The following CDC42BPA variants were observed in gnomAD, a reference collection of about 807,000 sequenced individuals.
CDC42BPA encodes the protein serine/threonine-protein kinase MRCK alpha.
In CDC42BPA, 80 loss-of-function variants were observed where a neutral mutation model predicts 223.5. The observed-to-expected ratio is 0.36, with a 90% CI of 0.30 to 0.43. The LOEUF (loss-of-function observed/expected upper bound fraction) is 0.43. Ranked by LOEUF, CDC42BPA falls within the 20% of genes least tolerant of loss-of-function variation. The pLI, the probability that CDC42BPA is intolerant of heterozygous loss-of-function variation, is 1.00. For synonymous variants in CDC42BPA, 694 were observed against 718.6 expected (o/e 0.97, Z 0.55); for missense variants, 1,743 against 2,099.9 (o/e 0.83, Z 3.32).
chr1:227,134,279 T>C (rs1658041436), intron 10 of CDC42BPA, among the ~76,000 whole-genome samples: 1 of 152,190 alleles, frequency 6.6e-6, no homozygotes, highest in East Asian at 1.9e-4. Context: ...CCCTCTATCT[T>C]GGATAATTTC....
At chr1:227,104,018 T>A (rs968024620) in intron 14 of CDC42BPA, among the ~76,000 whole-genome samples, 3 of 152,108 alleles carry the variant, frequency 2.0e-5, no homozygotes, top group African/African-American at 7.2e-5. Flanking sequence ...AAATAGTTGC[T>A]GAAAACACTT....
intron 1 of CDC42BPA, among the ~76,000 whole-genome samples, chr1:227,299,070 C>T (rs747433381): frequency 7.9e-5 from 12 of 152,110 alleles, no homozygotes; most frequent in Non-Finnish European, 1.6e-4. Context: ...TAAACATTTT[C>T]TTGGCATTTC....
At chr1:227,129,295 C>T in intron 10 of CDC42BPA, 64 bp from the exon 11 acceptor site, 1 of 1,174,482 alleles carries the variant, frequency 8.5e-7, no homozygotes, top group Non-Finnish European at 1.2e-6. Flanking sequence ...AAACTAATAA[C>T]ATTATTTTTT....
intron 32 of CDC42BPA, among the ~76,000 whole-genome samples, chr1:227,021,425 C>T (rs909946873): frequency 1.5e-4 from 23 of 152,216 alleles, no homozygotes; most frequent in African/African-American, 5.3e-4. Context: ...AAATGAGAAT[C>T]ACTTCTAAAA....
At chr1:227,258,902 GAT>G (rs1683569491) in intron 1 of CDC42BPA, among the ~76,000 whole-genome samples, 1 of 150,952 alleles carries the variant, frequency 6.6e-6, no homozygotes, top group Non-Finnish European at 1.5e-5. Flanking sequence ...AATTGAAAAA[GAT>G]ATAATAATCA....
intron 21 of CDC42BPA, among the ~76,000 whole-genome samples, chr1:227,064,929 CT>C (rs927069417): frequency 1.3e-5 from 2 of 152,024 alleles, no homozygotes; most frequent in African/African-American, 4.8e-5. Context: ...AACCCCATCT[CT>C]ACTAAAAATA....
intron 5 of CDC42BPA, among the ~76,000 whole-genome samples, chr1:227,166,524 A>G (rs541486195): frequency 7.9e-5 from 12 of 152,318 alleles, no homozygotes; most frequent in African/African-American, 2.9e-4. Flanking sequence ...GAGCAAAAGA[A>G]AACATTTGAC....
At chr1:227,149,076 T>C (rs550759060) in intron 6 of CDC42BPA, among the ~76,000 whole-genome samples, 2 of 152,296 alleles carry the variant, frequency 1.3e-5, no homozygotes, top group South Asian at 4.1e-4. Flanking sequence ...AAGGCTGCCC[T>C]ATATACATAC....
intron 16 of CDC42BPA, among the ~76,000 whole-genome samples, chr1:227,085,843 A>G (rs1681768102): frequency 6.6e-6 from 1 of 152,186 alleles, no homozygotes; most frequent in African/African-American, 2.4e-5. Flanking sequence ...ACTGAGGTAT[A>G]ATTTATATAA....
intron 14 of CDC42BPA, among the ~76,000 whole-genome samples, chr1:227,109,097 A>T (rs1686443744): frequency 6.6e-6 from 1 of 152,182 alleles, no homozygotes; most frequent in African/African-American, 2.4e-5. Context: ...TGTCATATAG[A>T]GCATTATGAA....
In CDC42BPA at chr1:227,276,294, A is replaced by G. The variant is rs531233070; in HGVS notation, c.179-22139T>C. 1.7e-3 allele frequency among the ~76,000 whole-genome samples: 248 copies of G among 144,718 alleles called. 3 individuals are homozygous for G. Among genetic ancestry groups the G allele is most frequent in the African/African-American group, 5.6e-3 (215 of 38,102 alleles). 94.9% of individuals were successfully genotyped at this position (144,718 alleles called of 152,430 possible). ...TGAGGAGCGTCTCTGCCCGACTGCC[A>G]ACCCGTCTGGGAGGTGAGGAGCGTG... On this transcript the variant is annotated intron_variant, in intron 1 of 36. Coordinates refer to ENST00000366766, the MANE Select transcript of CDC42BPA (RefSeq NM_001394014.1).
Position 227,029,028 on chromosome 1 carries a change from A to G in CDC42BPA, c.4061T>C (p.Val1354Ala), listed in dbSNP as rs1384439122. The G allele has an allele frequency of 6.2e-7, 1 of 1,614,134 alleles. No homozygotes were observed. The highest frequency in any genetic ancestry group is 1.1e-5 in the South Asian group (1 of 91,086). Reference protein sequence around the residue: ...VRHGALTCLCVAMKRQVLCYE... With the variant: ...VRHGALTCLCAAMKRQVLCYE... ...ACAGAGGACCTGCCTTTTCATAGCC[A>G]CACACAGGCATGTGAGAGCTCCATG... Residue 1354 changes from valine (V) to alanine (A), a missense_variant, in exon 30 of 37, where the codon GTG becomes GCG. Around this residue, in one of 6 missense-constraint regions of CDC42BPA, gnomAD observed 678 missense variants for 777.5 expected, o/e 0.87. Transcript: ENST00000366766.
At chr1:227,092,138 A>G in intron 15 of CDC42BPA, 147 bp from the exon 16 acceptor site, 2 of 560,910 alleles carry the variant, frequency 3.6e-6, no homozygotes, top group Non-Finnish European at 6.3e-6. Context: ...TTGTTTATAT[A>G]TAATGACAGG....
At chr1:227,207,408 A>G (rs1672971704) in intron 3 of CDC42BPA, among the ~76,000 whole-genome samples, 1 of 140,828 alleles carries the variant, frequency 7.1e-6, no homozygotes, top group African/African-American at 2.7e-5. Context: ...GTACATGTGC[A>G]CATTGTGCAG....
At chr1:227,196,338 C>CTTTTTTTTTTTTTTTTGTTTTT (rs1553388919) in intron 4 of CDC42BPA, among the ~76,000 whole-genome samples, 1 of 92,352 alleles carries the variant, frequency 1.1e-5, no homozygotes, top group Non-Finnish European at 1.9e-5. Context: ...TTAAACAATA[C>CTTTTTTTTTTTTTTTTGTTTTT]TTTTTTTTTT....
At chr1:227,164,461 C>T (rs1015542866) in intron 5 of CDC42BPA, among the ~76,000 whole-genome samples, 1 of 152,150 alleles carries the variant, frequency 6.6e-6, no homozygotes, top group Non-Finnish European at 1.5e-5. Flanking sequence ...AGAGAACTTA[C>T]ATATCTCATC....
Position 227,018,854 on chromosome 1 carries a change from G to C in CDC42BPA, c.4616-1804C>G, listed in dbSNP as rs1165296220. ...AAAATACATACCATAATTTAAAAATGCTTTATTGCCAAAAATGCTAACAAT... is the reference window on the plus strand; with the variant it reads ...AAAATACATACCATAATTTAAAAATCCTTTATTGCCAAAAATGCTAACAAT... On this transcript the variant is annotated intron_variant, in intron 32 of 36. Transcript: ENST00000366766. Among the ~76,000 whole-genome samples, 4 of 152,278 alleles carry C rather than the reference G, an allele frequency of 2.6e-5. No homozygotes were observed. In the East Asian group the frequency reaches 7.7e-4, roughly 29 times the overall value.
At chr1:227,007,370 C>T (rs552830891) in intron 34 of CDC42BPA, among the ~76,000 whole-genome samples, 1 of 152,272 alleles carries the variant, frequency 6.6e-6, no homozygotes, top group African/African-American at 2.4e-5. Context: ...TCAGTGCTAA[C>T]TAGTTCATTA....
chr1:227,260,844 C>T (rs1266499886), intron 1 of CDC42BPA, among the ~76,000 whole-genome samples: 1 of 150,772 alleles, frequency 6.6e-6, no homozygotes, highest in African/African-American at 2.5e-5. Flanking sequence ...GAGAATAATC[C>T]ATGCAAAAGG....
Sources: gnomAD v4.1 joint callset for allele counts (sites outside exome capture counted in the v4.1 genomes callset) on GRCh38, gnomAD v4.1.1 for gene constraint, gnomAD v4.1.1 regional missense constraint, MANE v1.5 for transcripts, NCBI Gene and HGNC (gene_info 2026-07-23, HGNC 2026-07-21) for gene names.